Variants in CNTN5 observed in about 807,000 individuals in gnomAD.
CNTN5 encodes the protein contactin 5.
A neutral mutation model predicts 129.1 loss-of-function variants in CNTN5; 77 were observed. The observed-to-expected ratio is 0.60, with a 90% CI of 0.50 to 0.72. The LOEUF (loss-of-function observed/expected upper bound fraction) is 0.72. CNTN5 is among the 30% of genes least tolerant of loss of function. CNTN5 has a pLI of 0.00. For missense variants in CNTN5, 1,478 were observed against 1,328.8 expected (o/e 1.11, Z -1.75); for synonymous variants, 509 against 465.6 (o/e 1.09, Z -1.20).
At chr11:100,029,389 T>C (rs1484817208) in intron 9 of CNTN5, among the ~76,000 whole-genome samples, 1 of 151,762 alleles carries the variant, frequency 6.6e-6, no homozygotes, top group East Asian at 1.9e-4. Flanking sequence ...GAGACCATCC[T>C]GGCTAAGACG....
At chr11:100,230,032 A>T (rs957356083) in intron 16 of CNTN5, among the ~76,000 whole-genome samples, 4 of 152,220 alleles carry the variant, frequency 2.6e-5, no homozygotes, top group African/African-American at 9.6e-5. Context: ...TGGTATTTGG[A>T]GTCAAAAAGA....
At chr11:100,221,806 A>C (rs1205788417) in intron 15 of CNTN5, among the ~76,000 whole-genome samples, 1 of 145,830 alleles carries the variant, frequency 6.9e-6, no homozygotes, top group Admixed American at 6.8e-5. Flanking sequence ...CGAAAGCAGA[A>C]AAAAAAAAGA....
At chr11:99,403,572 C>A (rs1047434937) in intron 2 of CNTN5, among the ~76,000 whole-genome samples, 4 of 152,030 alleles carry the variant, frequency 2.6e-5, no homozygotes, top group African/African-American at 9.7e-5. Context: ...TCATTTGTTT[C>A]AAAAAATTTT....
At chr11:99,942,748 A>G (rs566642196) in intron 7 of CNTN5, among the ~76,000 whole-genome samples, 1 of 152,084 alleles carries the variant, frequency 6.6e-6, no homozygotes, top group East Asian at 1.9e-4. Flanking sequence ...TCATTGTTCA[A>G]GTCCCACTTA....
At chr11:99,298,638 A>T (rs1293142458) in intron 1 of CNTN5, among the ~76,000 whole-genome samples, 1 of 152,130 alleles carries the variant, frequency 6.6e-6, no homozygotes, top group African/African-American at 2.4e-5. Context: ...TATATTATCT[A>T]AAATGTCCAG....
At chr11:99,609,826 G>A (rs1372365113) in intron 3 of CNTN5, among the ~76,000 whole-genome samples, 1 of 152,050 alleles carries the variant, frequency 6.6e-6, no homozygotes, top group East Asian at 1.9e-4. Flanking sequence ...CTGTTTACTG[G>A]GTGTAGTTCT....
intron 1 of CNTN5, among the ~76,000 whole-genome samples, chr11:99,042,064 C>G (rs1172760393): frequency 3.3e-5 from 5 of 152,062 alleles, no homozygotes; most frequent in Non-Finnish European, 4.4e-5. Flanking sequence ...TTGTGTCTCT[C>G]ATTATTTTCT....
intron 1 of CNTN5, among the ~76,000 whole-genome samples, chr11:99,218,334 A>G (rs1860232633): frequency 6.6e-6 from 1 of 151,966 alleles, no homozygotes; most frequent in South Asian, 2.1e-4. Flanking sequence ...AAGTTCCAGG[A>G]CCTCTTATTT....
intron 1 of CNTN5, among the ~76,000 whole-genome samples, chr11:99,191,184 T>C (rs1476385742): frequency 6.6e-6 from 1 of 151,864 alleles, no homozygotes; most frequent in Non-Finnish European, 1.5e-5. Flanking sequence ...TTACCGGAAA[T>C]AAATTTCACT....
intron 6 of CNTN5, among the ~76,000 whole-genome samples, chr11:99,910,419 G>A (rs1255657187): frequency 6.6e-6 from 1 of 152,032 alleles, no homozygotes; most frequent in African/African-American, 2.4e-5. Flanking sequence ...ATTAGAGAAT[G>A]CTAATTTAAT....
chr11:99,287,296 G>A lies in CNTN5; in HGVS notation c.-209-38050G>A, dbSNP rs554328837. Among the ~76,000 whole-genome samples the A allele has an allele frequency of 1.9e-4, 29 of 152,118 alleles. No homozygotes were observed. In the East Asian group the frequency reaches 5.6e-3, roughly 29 times the overall value. ...AATAGTATTATTATGTGTTTTCCTG[G>A]ACATTGACCAGAAGAGGTGAAGATG... On this transcript the variant is annotated intron_variant, in intron 1 of 24. Transcript: ENST00000524871.
rs895521468 is a variant in CNTN5, at chr11:99,086,320, C to T, written c.-210+65050C>T. ...AGCCAATTGTATTAGGCCATTCTTGCGTTGCTGTCAAGGAATACCTGGAGC... is the reference window on the plus strand; with the variant it reads ...AGCCAATTGTATTAGGCCATTCTTGTGTTGCTGTCAAGGAATACCTGGAGC... On this transcript the variant is annotated intron_variant, in intron 1 of 24. Transcript: ENST00000524871. 2.0e-5 allele frequency among the ~76,000 whole-genome samples: 3 copies of T among 152,138 alleles called. 1 individual carries two copies. Among genetic ancestry groups the T allele is most frequent in the Non-Finnish European group, 2.9e-5 (2 of 68,034 alleles).
chr11:100,047,019 T>C (rs1399805650), intron 9 of CNTN5, among the ~76,000 whole-genome samples: 2 of 152,264 alleles, frequency 1.3e-5, no homozygotes, highest in African/African-American at 2.4e-5. Flanking sequence ...CTGAAATTTA[T>C]AGGGCAAGTA....
At chr11:99,900,408 T>G (rs934397028) in intron 6 of CNTN5, among the ~76,000 whole-genome samples, 2 of 152,112 alleles carry the variant, frequency 1.3e-5, no homozygotes, top group African/African-American at 2.4e-5. Context: ...ATCTTTTTGA[T>G]GTATTTCTGG....
chr11:99,920,679 A>G (rs1412636292), intron 7 of CNTN5, among the ~76,000 whole-genome samples: 2 of 152,214 alleles, frequency 1.3e-5, no homozygotes, highest in Non-Finnish European at 2.9e-5. Context: ...TTTCTGGTCC[A>G]TAGACAACTT....
chr11:99,523,556 C>T (rs1292772488), intron 2 of CNTN5, among the ~76,000 whole-genome samples: 8 of 151,718 alleles, frequency 5.3e-5, no homozygotes, highest in African/African-American at 1.7e-4. Flanking sequence ...GGTCACTGCA[C>T]TCCAGCCTGG....
At position 99,137,665 on chromosome 11, in the gene CNTN5, A is replaced by G. The variant is rs371163317; in HGVS notation, c.-210+116395A>G. Among the ~76,000 whole-genome samples, 10 of 152,306 alleles carry G rather than the reference A, an allele frequency of 6.6e-5. No homozygotes were observed. In the South Asian group the frequency reaches 1.4e-3, roughly 22 times the overall value. ...TTGTATTACTCCTTAGCTTTCACAC[A>G]TCATTTCCAGAAATAGTTTCACCTT... is the stretch of plus-strand genomic sequence containing the variant. On this transcript the variant is annotated intron_variant, in intron 1 of 24. Coordinates refer to ENST00000524871, the MANE Select transcript of CNTN5 (RefSeq NM_014361.4).
intron 2 of CNTN5, among the ~76,000 whole-genome samples, chr11:99,437,977 G>A (rs917858635): frequency 8.0e-5 from 12 of 149,770 alleles, no homozygotes; most frequent in Non-Finnish European, 1.3e-4. Flanking sequence ...ATGAGATTCT[G>A]TTCCATGTAC....
At chr11:99,324,626 T>C (rs1865705261) in intron 1 of CNTN5, among the ~76,000 whole-genome samples, 1 of 152,176 alleles carries the variant, frequency 6.6e-6, no homozygotes, top group Non-Finnish European at 1.5e-5. Context: ...GAGAATTTCA[T>C]TAAACAATGA....
Sources: allele counts gnomAD v4.1 joint callset (sites outside exome capture counted in the v4.1 genomes callset), GRCh38; gene constraint gnomAD v4.1.1; transcripts MANE v1.5; gene names NCBI Gene and HGNC (gene_info 2026-07-23, HGNC 2026-07-21).